Variants in GSTA3 observed in about 807,000 individuals in gnomAD.
The protein encoded by GSTA3 is glutathione S-transferase A3.
A neutral mutation model predicts 23.1 loss-of-function variants in GSTA3; 16 were observed. That is an observed-to-expected ratio of 0.69 (90% CI 0.47 to 1.05). The LOEUF is 1.05. Among genes scored for constraint, GSTA3 ranks in the 50% least tolerant of loss-of-function variants. The pLI is 0.00. For missense variants in GSTA3, 319 were observed against 263.6 expected (o/e 1.21, Z -1.46); for synonymous variants, 122 against 91.0 (o/e 1.34, Z -1.94).
At chr6:52,906,252 C>T in intron 1 of GSTA3, among the ~76,000 whole-genome samples, 1 of 152,130 alleles carries the variant, frequency 6.6e-6, no homozygotes, top group Non-Finnish European at 1.5e-5. Flanking sequence ...CTAGCCCTTC[C>T]TCCAGGTTTG....
At chr6:52,901,916 T>G (rs1765698118) in intron 4 of GSTA3, among the ~76,000 whole-genome samples, 1 of 152,166 alleles carries the variant, frequency 6.6e-6, no homozygotes, top group South Asian at 2.1e-4. Flanking sequence ...CTGGGCATCA[T>G]TCTTGGAATT....
At chr6:52,897,547 G>T (rs1282672401) in intron 6 of GSTA3, among the ~76,000 whole-genome samples, 1 of 152,232 alleles carries the variant, frequency 6.6e-6, no homozygotes, top group East Asian at 1.9e-4. Context: ...ACAGACCACA[G>T]AGGAATGGGG....
chr6:52,906,186 A>G (rs1765884492), intron 1 of GSTA3, among the ~76,000 whole-genome samples: 1 of 152,146 alleles, frequency 6.6e-6, no homozygotes, highest in Non-Finnish European at 1.5e-5. Flanking sequence ...TGTTCTATTG[A>G]TATATCTAGT....
intron 1 of GSTA3, among the ~76,000 whole-genome samples, chr6:52,908,125 A>G (rs45481901): frequency 6.6e-6 from 1 of 150,562 alleles, no homozygotes; most frequent in African/African-American, 2.4e-5. Flanking sequence ...GCTTTATAGG[A>G]TATAACATGG....
At chr6:52,908,123 G>A (rs1252448522) in intron 1 of GSTA3, among the ~76,000 whole-genome samples, 3 of 151,124 alleles carry the variant, frequency 2.0e-5, no homozygotes, top group African/African-American at 7.3e-5. Flanking sequence ...GTGCTTTATA[G>A]GATATAACAT....
In GSTA3 at chr6:52,900,177, T is replaced by C. The variant is rs981139070; in HGVS notation, c.273-102A>G. 8 of 894,564 alleles carry C rather than the reference T, an allele frequency of 8.9e-6. No homozygotes were observed. In the South Asian group the frequency reaches 1.3e-4, roughly 15 times the overall value. The allele number at this position is 894,564 out of a possible 1,614,324, so 55.4% of individuals were successfully genotyped here. A position where few individuals can be genotyped will look rare whatever the true frequency, so the allele number is the denominator to read the frequency against. On this transcript the variant is annotated intron_variant, in intron 4 of 6. Transcript: ENST00000211122. ...AGAGGGTCAGATGGTGGTAAGGTAA[T>C]TCATCTCCATTGGGTGCCTTTTATA...
At chr6:52,897,796 GTCTC>G (rs1561949842) in intron 6 of GSTA3, 25 bp downstream of exon 6, 4 of 1,612,216 alleles carry the variant, frequency 2.5e-6, no homozygotes, top group Non-Finnish European at 3.4e-6. Flanking sequence ...ATGTGGGGCT[GTCTC>G]TCTGAGGGCT....
At chr6:52,905,455 AT>A (rs1765859023) in intron 2 of GSTA3, among the ~76,000 whole-genome samples, 1 of 152,122 alleles carries the variant, frequency 6.6e-6, no homozygotes, top group Non-Finnish European at 1.5e-5. Flanking sequence ...CATAAGTTAT[AT>A]TTTATAGTTT....
intron 2 of GSTA3, among the ~76,000 whole-genome samples, chr6:52,904,241 C>T (rs1173041322): frequency 2.0e-5 from 3 of 152,074 alleles, no homozygotes; most frequent in Non-Finnish European, 4.4e-5. Context: ...CCTCCCCTAT[C>T]GGCCTCCCAA....
At chr6:52,904,708 G>A (rs1765832505) in intron 2 of GSTA3, among the ~76,000 whole-genome samples, 1 of 152,154 alleles carries the variant, frequency 6.6e-6, no homozygotes, top group Non-Finnish European at 1.5e-5. Context: ...TAGTTACTGA[G>A]GGACTCTGGT....
In GSTA3 at chr6:52,900,153, G is replaced by T. The variant is rs1246138800; in HGVS notation, c.273-78C>A. 3.1e-6 allele frequency: 4 copies of T among 1,277,552 alleles called. No homozygotes were observed. The East Asian group carries it at 7.2e-5, about 23-fold the overall frequency. The allele number at this position is 1,277,552 out of a possible 1,614,324, so 79.1% of individuals were successfully genotyped here. A position where few individuals can be genotyped will look rare whatever the true frequency, so the allele number is the denominator to read the frequency against. On this transcript the variant is annotated intron_variant, in intron 4 of 6. Transcript: ENST00000211122. ...AGGTTTATAAAAACCTAAGAGAATA[G>T]AGGGTCAGATGGTGGTAAGGTAATT...
At chr6:52,899,011 G>A (rs1765570183) in intron 5 of GSTA3, among the ~76,000 whole-genome samples, 1 of 152,182 alleles carries the variant, frequency 6.6e-6, no homozygotes, top group African/African-American at 2.4e-5. Flanking sequence ...ATCGGAATGA[G>A]TTAGGAGGAG....
At chr6:52,902,518 T>C (rs1213221710) in intron 3 of GSTA3, 40 bp from the exon 4 acceptor site, 1 of 1,575,042 alleles carries the variant, frequency 6.3e-7, no homozygotes, top group East Asian at 2.2e-5. Flanking sequence ...GAAATTTCTA[T>C]GAATCCCACT....
intron 5 of GSTA3, among the ~76,000 whole-genome samples, chr6:52,899,392 G>T (rs1765589302): frequency 6.6e-6 from 1 of 152,142 alleles, no homozygotes; most frequent in African/African-American, 2.4e-5. Context: ...GAAGTGTCTA[G>T]GAGTGAACTG....
chr6:52,908,908 T>C (rs1765981132), intron 1 of GSTA3, among the ~76,000 whole-genome samples: 1 of 151,726 alleles, frequency 6.6e-6, no homozygotes, highest in Non-Finnish European at 1.5e-5. Context: ...TGGTCCCAGA[T>C]ACTTCGAACA....
At chr6:52,902,320 A>T (rs754813450) in intron 4 of GSTA3, 26 bp downstream of exon 4, 9 of 1,611,308 alleles carry the variant, frequency 5.6e-6, no homozygotes, top group Non-Finnish European at 7.6e-6. Context: ...TTCTCTGTGG[A>T]TGGAAGAACA....
chr6:52,905,368 A>T (rs1188942533), intron 2 of GSTA3, among the ~76,000 whole-genome samples: 4 of 152,190 alleles, frequency 2.6e-5, no homozygotes, highest in African/African-American at 7.2e-5. Context: ...TCACAAAATG[A>T]CACTAAAAAA....
chr6:52,902,617 A>AT (rs1199774819), intron 3 of GSTA3, 139 bp from the exon 4 acceptor site: 36 of 842,808 alleles, frequency 4.3e-5, no homozygotes, highest in Non-Finnish European at 6.2e-5. Flanking sequence ...ACGAAATAGT[A>AT]TTTTGATTTT....
At chr6:52,898,066 A>G in intron 5 of GSTA3, 110 bp from the exon 6 acceptor site, 1 of 1,264,648 alleles carries the variant, frequency 7.9e-7, no homozygotes, top group South Asian at 1.3e-5. Context: ...GCCTAACTGG[A>G]TGGTGTGAAG....
Sources: allele counts gnomAD v4.1 joint callset (sites outside exome capture counted in the v4.1 genomes callset), GRCh38; gene constraint gnomAD v4.1.1; transcripts MANE v1.5; gene names NCBI Gene and HGNC (gene_info 2026-07-23, HGNC 2026-07-21).